Variants in HAO1 observed in about 807,000 individuals in gnomAD.
HAO1 encodes the protein 2-Hydroxyacid oxidase 1.
HAO1 carries 34 observed loss-of-function variants against 39.7 expected under a neutral mutation model. The observed-to-expected ratio is 0.86, with a 90% CI of 0.65 to 1.14. The LOEUF (loss-of-function observed/expected upper bound fraction) is 1.14, where lower values mean the gene tolerates loss of function less well. HAO1 is among the 50% of genes most tolerant of loss of function. The pLI is 0.00. For missense variants in HAO1, 479 were observed against 464.5 expected (o/e 1.03, Z -0.29); for synonymous variants, 172 against 173.2 (o/e 0.99, Z 0.05).
rs1555774035 is a variant in HAO1, at chr20:7,909,381, A to ATATATATATATATATATG, written c.546-3053_546-3052insCATATATATATATATATA. Among the ~76,000 whole-genome samples, 159 of 72,838 alleles carry ATATATATATATATATATG rather than the reference A, an allele frequency of 2.2e-3. 2 individuals carry two copies. Among genetic ancestry groups the ATATATATATATATATATG allele is most frequent in the South Asian group, 5.0e-3 (11 of 2,182 alleles). The allele number at this position is 72,838 out of a possible 152,430, so 47.8% of individuals were successfully genotyped here. ...ATGACATATATATATATATATATGT[A>ATATATATATATATATATG]TATATATATATATATATATATATGC... On this transcript the variant is annotated intron_variant, in intron 3 of 7. Transcript: ENST00000378789.
intron 7 of HAO1, 67 bp from the exon 8 acceptor site, chr20:7,883,730 C>T: frequency 1.6e-6 from 2 of 1,235,536 alleles, no homozygotes; most frequent in Non-Finnish European, 2.4e-6. Flanking sequence ...TAATCGTTTT[C>T]CCAAGGAATG....
At chr20:7,884,081 A>T (rs2050140208) in intron 7 of HAO1, among the ~76,000 whole-genome samples, 1 of 152,236 alleles carries the variant, frequency 6.6e-6, no homozygotes, top group Admixed American at 6.5e-5. Context: ...TATGGATTAC[A>T]GAAAAGGAAG....
intron 4 of HAO1, among the ~76,000 whole-genome samples, chr20:7,898,965 A>T (rs1200611649): frequency 1.3e-5 from 2 of 151,740 alleles, no homozygotes; most frequent in African/African-American, 2.4e-5. Context: ...AAAACAAAAA[A>T]CCACTTAAAC....
chr20:7,886,132 G>A (rs901693904), intron 5 of HAO1, among the ~76,000 whole-genome samples: 2 of 151,958 alleles, frequency 1.3e-5, no homozygotes, highest in African/African-American at 4.8e-5. Context: ...TTCAAAGATT[G>A]TCATCAAAAA....
chr20:7,912,761 AAC>A (rs757818168), intron 3 of HAO1, among the ~76,000 whole-genome samples: 3 of 152,154 alleles, frequency 2.0e-5, no homozygotes, highest in Non-Finnish European at 4.4e-5. Context: ...GGATATGTGG[AAC>A]AGTTTTATTG....
chr20:7,917,923 A>G (rs2050314502), intron 2 of HAO1, among the ~76,000 whole-genome samples: 1 of 152,200 alleles, frequency 6.6e-6, no homozygotes, highest in African/African-American at 2.4e-5. Context: ...TCACTTGGGT[A>G]TGCATATTTA....
intron 2 of HAO1, among the ~76,000 whole-genome samples, chr20:7,917,529 C>T (rs1352220798): frequency 6.6e-6 from 1 of 151,998 alleles, no homozygotes; most frequent in East Asian, 1.9e-4. Context: ...TATTTCAGGG[C>T]AGTGACATCC....
At chr20:7,892,422 C>A (rs1350182647) in intron 5 of HAO1, among the ~76,000 whole-genome samples, 2 of 152,170 alleles carry the variant, frequency 1.3e-5, no homozygotes, top group Non-Finnish European at 2.9e-5. Context: ...TTGGTTCCTA[C>A]CATTAGTGCT....
In HAO1 at chr20:7,906,200, C is replaced by T; in HGVS notation, c.675G>A (p.Leu225=). The change falls in exon 4 of 8, where the codon CTG becomes CTA. Residue 225 remains leucine (L), a synonymous_variant. Coordinates refer to ENST00000378789, the MANE Select transcript of HAO1 (RefSeq NM_017545.3). ...CAATTGGCAATGATGTCAGTCTTCT[C>T]AGCCATTTGATATCTTCCCAGCTGA... is the stretch of plus-strand genomic sequence containing the variant. ...PSISWEDIKW[L]RRLTSLPIVA... The T allele has an allele frequency of 6.2e-7, 1 of 1,613,456 alleles. No homozygotes were observed. Among genetic ancestry groups the T allele is most frequent in the East Asian group, 2.2e-5 (1 of 44,836 alleles).
At chr20:7,910,839 C>T (rs1331704775) in intron 3 of HAO1, among the ~76,000 whole-genome samples, 4 of 152,154 alleles carry the variant, frequency 2.6e-5, no homozygotes, top group African/African-American at 9.7e-5. Context: ...GCTATTGTGC[C>T]ATTTAAGAGG....
At chr20:7,930,127 T>G (rs929383706) in intron 2 of HAO1, among the ~76,000 whole-genome samples, 4 of 152,052 alleles carry the variant, frequency 2.6e-5, no homozygotes, top group Admixed American at 2.6e-4. Context: ...GGGGGACACT[T>G]CTCCAGGGAG....
Position 7,895,163 on chromosome 20 carries a change from C to A in HAO1, c.783G>T (p.Gly261=). The A allele has an allele frequency of 1.2e-6, 2 of 1,612,558 alleles. No individual in the cohort carries two copies. The highest frequency in any genetic ancestry group is 8.5e-7 in the Non-Finnish European group (1 of 1,178,756). The change falls in exon 5 of 8, where the codon GGG becomes GGT. Residue 261 remains glycine (G), a synonymous_variant. Transcript: ENST00000378789. ...GLNGILVSNH[G]ARQLDGVPAT... ...CTGGCACCCCATCGAGTTGTCGAGC[C>A]CCATGATTCGACACCAAGATCCCAT...
intron 2 of HAO1, among the ~76,000 whole-genome samples, chr20:7,928,500 T>C: frequency 6.8e-6 from 1 of 148,074 alleles, no homozygotes; most frequent in Non-Finnish European, 1.5e-5. Flanking sequence ...TTTTTCTTTT[T>C]TTTTTTTTTG....
chr20:7,934,713 G>T (rs530209530), intron 1 of HAO1, 78 bp from the exon 2 acceptor site: 1 of 831,918 alleles, frequency 1.2e-6, no homozygotes, highest in Non-Finnish European at 1.7e-6. Flanking sequence ...TTACATTTTA[G>T]TTAAAAGAAA....
chr20:7,921,810 T>A (rs972192439), intron 2 of HAO1, among the ~76,000 whole-genome samples: 1 of 152,146 alleles, frequency 6.6e-6, no homozygotes, highest in Non-Finnish European at 1.5e-5. Context: ...TGCACCAACA[T>A]GGATGCAGCT....
chr20:7,888,751 G>A (rs914716206), intron 5 of HAO1, among the ~76,000 whole-genome samples: 1 of 152,202 alleles, frequency 6.6e-6, no homozygotes, highest in Non-Finnish European at 1.5e-5. Context: ...GGGAAAGGAA[G>A]GAGGGTTCTG....
chr20:7,884,219 T>C (rs2050141014), intron 7 of HAO1, among the ~76,000 whole-genome samples: 1 of 152,236 alleles, frequency 6.6e-6, no homozygotes, highest in Non-Finnish European at 1.5e-5. Context: ...TATTTATTTA[T>C]TCTTTCAGCA....
At chr20:7,920,563 T>C (rs2050326372) in intron 2 of HAO1, among the ~76,000 whole-genome samples, 2 of 152,166 alleles carry the variant, frequency 1.3e-5, no homozygotes, top group Admixed American at 6.6e-5. Flanking sequence ...TTGATCAATA[T>C]GTCACTTTCC....
chr20:7,925,650 CACA>C (rs2050355656), intron 2 of HAO1, among the ~76,000 whole-genome samples: 1 of 152,122 alleles, frequency 6.6e-6, no homozygotes, highest in South Asian at 2.1e-4. Flanking sequence ...TGAGTTTGCA[CACA>C]ACAACTTCAA....
Sources: gnomAD v4.1 joint callset for allele counts (sites outside exome capture counted in the v4.1 genomes callset) on GRCh38, gnomAD v4.1.1 for gene constraint, MANE v1.5 for transcripts, NCBI Gene and HGNC (gene_info 2026-07-23, HGNC 2026-07-21) for gene names.